Variants in SYNPR observed in about 807,000 individuals in gnomAD.
SYNPR encodes the protein synaptoporin.
SYNPR carries 23 observed loss-of-function variants against 32.9 expected under a neutral mutation model. That is an observed-to-expected ratio of 0.70 (90% CI 0.50 to 0.99). SYNPR has a LOEUF of 0.99. Ranked by LOEUF, SYNPR falls within the 50% of genes least tolerant of loss-of-function variation. The pLI is 0.00. For synonymous variants in SYNPR, 146 were observed against 135.9 expected (o/e 1.07, Z -0.52); for missense variants, 318 against 349.3 (o/e 0.91, Z 0.71).
intron 2 of SYNPR, among the ~76,000 whole-genome samples, chr3:63,344,001 C>T (rs187408677): frequency 4.8e-4 from 73 of 152,322 alleles, no homozygotes; most frequent in Non-Finnish European, 8.4e-4. Context: ...CACAGATGTA[C>T]ATCATTAGGA....
intron 4 of SYNPR, among the ~76,000 whole-genome samples, chr3:63,557,479 A>G (rs1300780676): frequency 2.0e-5 from 3 of 152,208 alleles, no homozygotes; most frequent in Non-Finnish European, 4.4e-5. Context: ...GTACATTTAC[A>G]GAATATAAAA....
chr3:63,205,065 G>A, the SYNPR span, among the ~76,000 whole-genome samples: 1 of 152,064 alleles, frequency 6.6e-6, no homozygotes, highest in East Asian at 1.9e-4. Flanking sequence ...CTATAACGGG[G>A]TCATTTCCCT....
At chr3:63,464,248 G>A (rs1210008549) in intron 2 of SYNPR, among the ~76,000 whole-genome samples, 1 of 151,966 alleles carries the variant, frequency 6.6e-6, no homozygotes, top group Non-Finnish European at 1.5e-5. Context: ...CTATTTGACT[G>A]GAGTTTTGCT....
rs1049422831 is a variant in SYNPR at position 63,559,366 on chromosome 3, C to A, written c.408+2625C>A. Among the ~76,000 whole-genome samples, 3 of 152,236 alleles carry A rather than the reference C, an allele frequency of 2.0e-5. No homozygotes were observed. The South Asian group carries it at 6.2e-4, about 32-fold the overall frequency. ...ATGTTGGGATTACAGGCGTGAGCCA[C>A]CATGCCCAGCCTAATACATTTAATA... On this transcript the variant is annotated intron_variant, in intron 4 of 5. Coordinates refer to ENST00000478300, the MANE Select transcript of SYNPR (RefSeq NM_001130003.2).
intron 3 of SYNPR, among the ~76,000 whole-genome samples, chr3:63,516,968 T>C (rs745778730): frequency 1.6e-4 from 24 of 152,182 alleles, no homozygotes; most frequent in Admixed American, 9.2e-4. Context: ...TTATTTAACC[T>C]GTCTTGCAAC....
chr3:63,395,585 CTAAG>C (rs1455610461), intron 2 of SYNPR, among the ~76,000 whole-genome samples: 2 of 152,138 alleles, frequency 1.3e-5, no homozygotes, highest in East Asian at 3.8e-4. Flanking sequence ...ATCAGAGAGG[CTAAG>C]TAAGATACCT....
chr3:63,387,130 A>T (rs2088056534), intron 2 of SYNPR, among the ~76,000 whole-genome samples: 1 of 152,236 alleles, frequency 6.6e-6, no homozygotes, highest in African/African-American at 2.4e-5. Flanking sequence ...GTTTATGCTC[A>T]CATAATGATC....
At chr3:63,591,817 GA>G (rs1699832780) in intron 4 of SYNPR, among the ~76,000 whole-genome samples, 1 of 112,872 alleles carries the variant, frequency 8.9e-6, no homozygotes, top group Non-Finnish European at 1.8e-5. Context: ...GGGGTGGGGG[GA>G]GGGGGGGAGG....
chr3:63,266,609 A>G (rs1425435944), intron 2 of SYNPR, among the ~76,000 whole-genome samples: 2 of 151,090 alleles, frequency 1.3e-5, no homozygotes, highest in Non-Finnish European at 3.0e-5. Context: ...CGGGAAGCTG[A>G]GGCAAGAGAA....
At chr3:63,253,011 C>T (rs575358010) in intron 2 of SYNPR, among the ~76,000 whole-genome samples, 2 of 148,502 alleles carry the variant, frequency 1.3e-5, no homozygotes, top group South Asian at 2.1e-4. Flanking sequence ...TGCACTCCAG[C>T]CTGGGTGACA....
chr3:63,512,806 G>C (rs114512889), intron 3 of SYNPR, among the ~76,000 whole-genome samples: 1,672 of 152,254 alleles, frequency 0.011, 34 homozygotes, highest in African/African-American at 0.038. Context: ...CATAGTAAAT[G>C]TATGCTTTTT....
chr3:63,321,755 GTGTTTA>G (rs1430675202), intron 2 of SYNPR, among the ~76,000 whole-genome samples: 2,611 of 152,120 alleles, frequency 0.017, 82 homozygotes, highest in African/African-American at 0.059. Flanking sequence ...AGTTCTCTGT[GTGTTTA>G]CAAACACCTC....
Position 63,495,858 on chromosome 3 carries a change from T to C in SYNPR, c.209+14902T>C, listed in dbSNP as rs903532530. Among the ~76,000 whole-genome samples the C allele has an allele frequency of 2.6e-5, 4 of 152,238 alleles. No homozygotes were observed. The East Asian group carries it at 7.7e-4, about 29-fold the overall frequency. ...TTTTTAAGGCAGTGAAACTACTCTG[T>C]ATAATACTATAATGATGGATACATG... On this transcript the variant is annotated intron_variant, in intron 3 of 5. Transcript: ENST00000478300.
intron 3 of SYNPR, among the ~76,000 whole-genome samples, chr3:63,270,466 G>T (rs960470213): frequency 4.6e-5 from 7 of 152,196 alleles, no homozygotes; most frequent in Non-Finnish European, 7.3e-5. Flanking sequence ...GAGAATGTGG[G>T]TGAACCAGTT....
intron 3 of SYNPR, among the ~76,000 whole-genome samples, chr3:63,550,405 G>GTA (rs972729921): frequency 1.1e-4 from 16 of 150,652 alleles, no homozygotes; most frequent in East Asian, 1.9e-4. Flanking sequence ...GTGTGTGTGT[G>GTA]TATATATATA....
chr3:63,317,492 T>G (rs2087055701), intron 2 of SYNPR, among the ~76,000 whole-genome samples: 1 of 152,058 alleles, frequency 6.6e-6, no homozygotes, highest in Non-Finnish European at 1.5e-5. Flanking sequence ...ATAATGTCCC[T>G]TTGTTTATTT....
At chr3:63,419,204 A>T (rs1053373768) in intron 2 of SYNPR, among the ~76,000 whole-genome samples, 3 of 152,168 alleles carry the variant, frequency 2.0e-5, no homozygotes, top group African/African-American at 7.2e-5. Context: ...CTGGATGTGG[A>T]CTCAGCCCAC....
intron 2 of SYNPR, 97 bp from the exon 3 acceptor site, chr3:63,480,735 A>C: frequency 6.9e-7 from 1 of 1,451,844 alleles, no homozygotes; most frequent in Admixed American, 2.0e-5. Flanking sequence ...AGGACCATAA[A>C]TTCCCTCAAT....
intron 2 of SYNPR, among the ~76,000 whole-genome samples, chr3:63,378,969 AAATGTGTTTTACACATTGTGAT>A (rs1421410778): frequency 6.6e-6 from 1 of 152,132 alleles, no homozygotes; most frequent in Non-Finnish European, 1.5e-5. Context: ...AGAATACACA[AAATGTGTTTTACACATTGTGAT>A]AATGTGTTTT....
Sources: allele counts gnomAD v4.1 joint callset (sites outside exome capture counted in the v4.1 genomes callset), GRCh38; gene constraint gnomAD v4.1.1; transcripts MANE v1.5; gene names NCBI Gene and HGNC (gene_info 2026-07-23, HGNC 2026-07-21).